Variants in TAMM41 observed in about 807,000 individuals in gnomAD.
The protein encoded by TAMM41 is TAM41 mitochondrial translocator assembly and maintenance homolog.
TAMM41 carries 36 observed loss-of-function variants against 44.1 expected under a neutral mutation model. That is an observed-to-expected ratio of 0.82 (90% CI 0.63 to 1.08). TAMM41 has a LOEUF of 1.08. Among genes scored for constraint, TAMM41 ranks in the 50% least tolerant of loss-of-function variants. TAMM41 has a pLI of 0.00. For synonymous variants in TAMM41, 164 were observed against 153.1 expected (o/e 1.07, Z -0.53); for missense variants, 417 against 404.3 (o/e 1.03, Z -0.27).
chr3:11,829,618 C>G (rs953965027), intron 4 of TAMM41, 96 bp downstream of exon 4: 1 of 1,408,348 alleles, frequency 7.1e-7, no homozygotes, highest in South Asian at 1.3e-5. Flanking sequence ...ACAACTAAGA[C>G]TGTAGCAGCT....
intron 2 of TAMM41, among the ~76,000 whole-genome samples, chr3:11,840,423 C>CTTCATTTTT (rs1302601418): frequency 6.6e-6 from 1 of 151,958 alleles, no homozygotes; most frequent in Non-Finnish European, 1.5e-5. Context: ...TTAGTACAGA[C>CTTCATTTTT]AGGATTTCAT....
the TAMM41 span, among the ~76,000 whole-genome samples, chr3:11,731,858 G>T: frequency 1.3e-5 from 2 of 149,582 alleles, no homozygotes; most frequent in Non-Finnish European, 3.0e-5. Context: ...ACTGTGAGGG[G>T]TCTCAATCTA....
intron 3 of TAMM41, among the ~76,000 whole-genome samples, chr3:11,834,983 C>T (rs539713233): frequency 7.9e-5 from 12 of 152,260 alleles, no homozygotes; most frequent in African/African-American, 2.9e-4. Context: ...CCACCGCACT[C>T]GGCCTATATC....
chr3:11,740,670 C>T, the TAMM41 span, among the ~76,000 whole-genome samples: 6,424 of 151,960 alleles, frequency 0.042, 432 homozygotes, highest in African/African-American at 0.14. Context: ...ACAACCTCCG[C>T]CTCCTGGGTT....
At chr3:11,766,326 G>A in the TAMM41 span, among the ~76,000 whole-genome samples, 12 of 151,850 alleles carry the variant, frequency 7.9e-5, no homozygotes, top group Non-Finnish European at 1.3e-4. Context: ...CACCATGCTC[G>A]GTGAATTTTC....
At chr3:11,752,635 T>TTTTTTTTTTTTTTTTTTTTG in the TAMM41 span, among the ~76,000 whole-genome samples, 1 of 100,932 alleles carries the variant, frequency 9.9e-6, no homozygotes. Flanking sequence ...CTTTTTTTTT[T>TTTTTTTTTTTTTTTTTTTTG]TTTTTTTTTT....
chr3:11,745,198 G>C, the TAMM41 span, among the ~76,000 whole-genome samples: 192 of 152,264 alleles, frequency 1.3e-3, no homozygotes, highest in African/African-American at 4.4e-3. Context: ...AGGTGTGGTG[G>C]TGCACACCTG....
the TAMM41 span, among the ~76,000 whole-genome samples, chr3:11,764,486 C>CTTTTTTTTTTTTTTTTTTTTTTTTTT: frequency 4.4e-5 from 3 of 68,128 alleles, no homozygotes; most frequent in African/African-American, 2.0e-4. Context: ...TAATCTTATT[C>CTTTTTTTTTTTTTTTTTTTTTTTTTT]TTTTTTTTTT....
chr3:11,787,925 G>A (rs568448363), downstream of TAMM41, among the ~76,000 whole-genome samples: 2 of 152,296 alleles, frequency 1.3e-5, no homozygotes, highest in South Asian at 2.1e-4. Context: ...CTCCTTATAT[G>A]GCTTTTTGAT....
the TAMM41 span, among the ~76,000 whole-genome samples, chr3:11,725,856 A>C: frequency 6.6e-6 from 1 of 152,184 alleles, no homozygotes; most frequent in South Asian, 2.1e-4. Context: ...AACATGGTCC[A>C]TGTGGGCGTG....
chr3:11,809,695 A>C lies in TAMM41; in HGVS notation c.709-13T>G. The C allele has an allele frequency of 1.9e-6, 3 of 1,590,082 alleles. No homozygotes were observed. Among genetic ancestry groups the C allele is most frequent in the Non-Finnish European group, 2.6e-6 (3 of 1,174,596 alleles). ...GGCTTTTATCTATCTGAAGGGAGGA[A>C]AAAAAAGACGACGTCTATGGAAGTG... On this transcript the variant is annotated splice_polypyrimidine_tract_variant and intron_variant, in intron 5 of 7. Transcript: ENST00000455809.
intron 5 of TAMM41, among the ~76,000 whole-genome samples, chr3:11,814,831 C>T (rs764284371): frequency 1.3e-5 from 2 of 151,986 alleles, no homozygotes; most frequent in Admixed American, 6.6e-5. Flanking sequence ...CGTGGTGGCG[C>T]GTGCCTGTAG....
At chr3:11,837,553 CTG>C (rs2079236756) in intron 3 of TAMM41, among the ~76,000 whole-genome samples, 1 of 152,044 alleles carries the variant, frequency 6.6e-6, no homozygotes, top group African/African-American at 2.4e-5. Flanking sequence ...CCTCCTCTAG[CTG>C]TGTCCCAAAA....
At chr3:11,813,259 G>C (rs376268292) in intron 5 of TAMM41, among the ~76,000 whole-genome samples, 2 of 152,126 alleles carry the variant, frequency 1.3e-5, no homozygotes, top group Non-Finnish European at 2.9e-5. Context: ...GCCAGGTGCA[G>C]TGGCTCACAC....
the TAMM41 span, among the ~76,000 whole-genome samples, chr3:11,773,909 C>T: frequency 1.3e-3 from 205 of 152,052 alleles, no homozygotes; most frequent in Non-Finnish European, 2.5e-3. Context: ...GCCAACATGG[C>T]GAAACCTCGT....
the TAMM41 span, among the ~76,000 whole-genome samples, chr3:11,747,953 C>G: frequency 4.0e-5 from 6 of 150,620 alleles, no homozygotes; most frequent in African/African-American, 1.5e-4. Flanking sequence ...CAGCTCACTG[C>G]AACCTCTGCC....
At chr3:11,749,879 G>A in the TAMM41 span, among the ~76,000 whole-genome samples, 1 of 150,710 alleles carries the variant, frequency 6.6e-6, no homozygotes, top group Non-Finnish European at 1.5e-5. Flanking sequence ...AGGCTTCATG[G>A]AGTGTCAATT....
At chr3:11,761,962 A>G in the TAMM41 span, among the ~76,000 whole-genome samples, 8 of 151,130 alleles carry the variant, frequency 5.3e-5, no homozygotes, top group East Asian at 1.2e-3. Context: ...AAAAAAAAAA[A>G]AAAAGAAAGA....
chr3:11,745,575 CA>C, the TAMM41 span, among the ~76,000 whole-genome samples: 1 of 152,030 alleles, frequency 6.6e-6, no homozygotes, highest in African/African-American at 2.4e-5. Flanking sequence ...AAACTAGTCA[CA>C]AAAAAACCAA....
Sources: gnomAD v4.1 joint callset for allele counts (sites outside exome capture counted in the v4.1 genomes callset) on GRCh38, gnomAD v4.1.1 for gene constraint, MANE v1.5 for transcripts, NCBI Gene and HGNC (gene_info 2026-07-23, HGNC 2026-07-21) for gene names.